Variants in PACSIN2 observed in about 807,000 individuals in gnomAD.
The protein encoded by PACSIN2 is protein kinase C and casein kinase substrate in neurons 2, also known as protein kinase C and casein kinase substrate in neurons protein 2.
Under a neutral mutation model 63.8 loss-of-function variants are expected in PACSIN2, and 25 were observed. The observed-to-expected ratio is 0.39, with a 90% CI of 0.29 to 0.55. The LOEUF is 0.55. Among genes scored for constraint, PACSIN2 ranks in the 20% least tolerant of loss-of-function variants. The pLI, the probability that PACSIN2 is intolerant of heterozygous loss-of-function variation, is 0.62. For missense variants in PACSIN2, 518 were observed against 646.9 expected (o/e 0.80, Z 2.16); for synonymous variants, 255 against 256.2 (o/e 1.00, Z 0.05).
chr22:42,876,824 C>CAG (rs35041824), intron 9 of PACSIN2, 64 bp downstream of exon 9: 689,190 of 1,563,538 alleles, frequency 0.44, 149,670 homozygotes, highest in Middle Eastern at 0.48. Context: ...GACCCCTGGA[C>CAG]AGAGAGAGAG....
intron 8 of PACSIN2, 144 bp downstream of exon 8, chr22:42,878,904 T>C: frequency 1.1e-6 from 1 of 884,282 alleles, no homozygotes; most frequent in East Asian, 2.8e-5. Context: ...ACCTCCCAGG[T>C]GTCCAGGCTG....
At chr22:42,875,351 G>C (rs1191419275) in intron 10 of PACSIN2, among the ~76,000 whole-genome samples, 1 of 151,948 alleles carries the variant, frequency 6.6e-6, no homozygotes, top group East Asian at 1.9e-4. Context: ...ACAGGATCTC[G>C]CTCTGTTGCC....
chr22:42,957,367 T>C (rs1933957622), intron 1 of PACSIN2, among the ~76,000 whole-genome samples: 1 of 152,244 alleles, frequency 6.6e-6, no homozygotes, highest in Admixed American at 6.5e-5. Flanking sequence ...AAGGCATATA[T>C]TCTAAATACT....
At chr22:42,893,168 C>T (rs1207819935) in intron 3 of PACSIN2, among the ~76,000 whole-genome samples, 1 of 152,226 alleles carries the variant, frequency 6.6e-6, no homozygotes, top group African/African-American at 2.4e-5. Flanking sequence ...TAGGAACTTA[C>T]CCGAGTTCTG....
chr22:42,954,684 G>T (rs957289816), intron 1 of PACSIN2, among the ~76,000 whole-genome samples: 4 of 152,230 alleles, frequency 2.6e-5, no homozygotes, highest in African/African-American at 9.6e-5. Flanking sequence ...ACTGGACATC[G>T]CAGTTCTGGA....
intron 1 of PACSIN2, among the ~76,000 whole-genome samples, chr22:42,967,111 C>T (rs1920968004): frequency 1.1e-5 from 1 of 93,254 alleles, no homozygotes; most frequent in Non-Finnish European, 2.1e-5. Context: ...TGCTCCGTAA[C>T]AGAAACTAGG....
Position 42,912,132 on chromosome 22 carries a change from C to T in PACSIN2, c.-52G>A, listed in dbSNP as rs750543173. On this transcript the variant is annotated 5_prime_UTR_variant, in exon 2 of 11. Coordinates refer to ENST00000263246, the MANE Select transcript of PACSIN2 (RefSeq NM_001184970.3). ...AGTATACTTAGTCAGGGGTCAACTT[C>T]GAACGCTCAAAATCTGTAGACAAAC... 1.4e-4 allele frequency: 176 copies of T among 1,301,026 alleles called. No individual in the cohort carries two copies. The South Asian group carries it at 1.6e-3, about 12-fold the overall frequency. The allele number at this position is 1,301,026 out of a possible 1,614,324, so 80.6% of individuals were successfully genotyped here.
At chr22:42,904,365 C>A (rs1196001644) in intron 2 of PACSIN2, among the ~76,000 whole-genome samples, 2 of 152,356 alleles carry the variant, frequency 1.3e-5, no homozygotes, top group East Asian at 3.9e-4. Context: ...TTCAGCCGAG[C>A]ACCCAGCAAG....
intron 1 of PACSIN2, among the ~76,000 whole-genome samples, chr22:42,953,411 T>G (rs1049925146): frequency 2.6e-5 from 4 of 152,134 alleles, no homozygotes; most frequent in African/African-American, 9.7e-5. Flanking sequence ...AATAAAAAAT[T>G]ACATGTCTAT....
chr22:42,981,376 A>G (rs8140058), intron 1 of PACSIN2, among the ~76,000 whole-genome samples: 13 of 116,670 alleles, frequency 1.1e-4, no homozygotes, highest in African/African-American at 4.1e-4. Context: ...CCCCCGCCCG[A>G]CCAGCCGCCC....
intron 1 of PACSIN2, among the ~76,000 whole-genome samples, chr22:43,014,764 C>T (rs1924770561): frequency 1.3e-5 from 2 of 151,704 alleles, no homozygotes; most frequent in Non-Finnish European, 2.9e-5. Context: ...CATGGGCCCC[C>T]GCCCCTTCCC....
chr22:42,894,663 ATAAG>A (rs1277569942), intron 2 of PACSIN2, among the ~76,000 whole-genome samples: 1 of 152,250 alleles, frequency 6.6e-6, no homozygotes, highest in Non-Finnish European at 1.5e-5. Flanking sequence ...CATCAAAGTT[ATAAG>A]TAATAAAAGA....
intron 5 of PACSIN2, among the ~76,000 whole-genome samples, chr22:42,887,468 A>G (rs1377170659): frequency 6.6e-6 from 1 of 152,106 alleles, no homozygotes; most frequent in East Asian, 1.9e-4. Context: ...GGGTAGTGAA[A>G]CCAGCTTAGG....
At chr22:42,900,355 C>T (rs1930594440) in intron 2 of PACSIN2, among the ~76,000 whole-genome samples, 1 of 152,324 alleles carries the variant, frequency 6.6e-6, no homozygotes. Context: ...CTAGCGACGG[C>T]GTCATAATAG....
At chr22:42,991,898 T>C (rs753078819) in intron 1 of PACSIN2, among the ~76,000 whole-genome samples, 14 of 148,784 alleles carry the variant, frequency 9.4e-5, no homozygotes, top group Admixed American at 2.7e-4. Flanking sequence ...ATGTAAAACA[T>C]AAAACTATAA....
At position 42,976,029 on chromosome 22, in the gene PACSIN2, A is replaced by G. The variant is rs979752638; in HGVS notation, c.-78+38992T>C. On this transcript the variant is annotated intron_variant, in intron 1 of 10. Transcript: ENST00000263246. ...TCTGGAAGGTCCAATCTGAGCTGAA[A>G]CCCTACAGAGTTCACAGCATTGAGG... is the stretch of plus-strand genomic sequence containing the variant. 7.2e-5 allele frequency among the ~76,000 whole-genome samples: 11 copies of G among 152,164 alleles called. No individual in the cohort carries two copies. The South Asian group carries it at 2.3e-3, about 32-fold the overall frequency.
Position 43,014,375 on chromosome 22 carries a change from C to A in PACSIN2, c.-78+646G>T, listed in dbSNP as rs1306984505. On this transcript the variant is annotated intron_variant, in intron 1 of 10. Coordinates refer to ENST00000263246, the MANE Select transcript of PACSIN2 (RefSeq NM_001184970.3). ...ACAGACACACACACACCACCCCCCC[C>A]CCCCCGGGACACGGAGGGTGGGAAG... 5.3e-3 allele frequency among the ~76,000 whole-genome samples: 98 copies of A among 18,452 alleles called. 2 individuals carry two copies. Among genetic ancestry groups the A allele is most frequent in the African/African-American group, 0.028 (94 of 3,336 alleles). 12.1% of individuals were successfully genotyped at this position (18,452 alleles called of 152,430 possible). A position where few individuals can be genotyped will look rare whatever the true frequency, so the allele number is the denominator to read the frequency against.
intron 1 of PACSIN2, among the ~76,000 whole-genome samples, chr22:42,990,647 G>T (rs1488524308): frequency 2.0e-5 from 3 of 152,198 alleles, no homozygotes; most frequent in African/African-American, 7.2e-5. Flanking sequence ...TGGGAGAAAT[G>T]CAAGAAGTTC....
chr22:42,981,619 C>T (rs1292398376), intron 1 of PACSIN2, among the ~76,000 whole-genome samples: 2 of 128,190 alleles, frequency 1.6e-5, no homozygotes, highest in Non-Finnish European at 3.4e-5. Context: ...CCCCTCTGCC[C>T]GGCCAGCCGC....
Sources: allele counts gnomAD v4.1 joint callset (sites outside exome capture counted in the v4.1 genomes callset), GRCh38; gene constraint gnomAD v4.1.1; transcripts MANE v1.5; gene names NCBI Gene and HGNC (gene_info 2026-07-23, HGNC 2026-07-21).